The following PCDHGC5 variants were observed in gnomAD, a reference collection of about 807,000 sequenced individuals.
The protein encoded by PCDHGC5 is protocadherin gamma-C5.
A neutral mutation model predicts 59.0 loss-of-function variants in PCDHGC5; 25 were observed. The ratio of observed to expected loss-of-function variants is 0.42; its 90% CI spans 0.31 to 0.59. The LOEUF is 0.59. Ranked by LOEUF, PCDHGC5 falls within the 20% of genes least tolerant of loss-of-function variation. PCDHGC5 has a pLI of 0.13. For missense variants in PCDHGC5, 1,067 were observed against 1,206.4 expected (o/e 0.88, Z 1.71); for synonymous variants, 434 against 505.5 (o/e 0.86, Z 1.90).
Position 141,490,447 on chromosome 5 carries a change from C to A in PCDHGC5, c.1207C>A (p.His403Asn), listed in dbSNP as rs1273424450. 1.2e-6 allele frequency: 2 copies of A among 1,614,196 alleles called. No homozygotes were observed. The highest frequency in any genetic ancestry group is 1.7e-5 in the Admixed American group (1 of 60,030). The part of the protein sequence containing the change: ...LPFQIKPSEN[H>N]YSLLTSQPLD... Reference sequence around the variant, plus strand: ...ATTTCAGATTAAGCCTTCTGAGAACCACTACTCGCTGCTAACCAGCCAGCC... The same window carrying A: ...ATTTCAGATTAAGCCTTCTGAGAACAACTACTCGCTGCTAACCAGCCAGCC... The change falls in exon 1 of 4, where the codon CAC becomes AAC. Residue 403 changes from histidine (H) to asparagine (N), a missense_variant. Physicochemically the swap from His to Asn is moderately conservative, Grantham distance 68. Coordinates refer to ENST00000252087, the MANE Select transcript of PCDHGC5 (RefSeq NM_018929.3). This position sits in a 1 kb window ranked among gnomAD's most constrained non-coding sequence, Gnocchi z 5.4.
chr5:141,503,608 A>AAAAAAAG (rs1483073868), intron 2 of PCDHGC5, among the ~76,000 whole-genome samples: 1 of 151,994 alleles, frequency 6.6e-6, no homozygotes, highest in East Asian at 1.9e-4. Flanking sequence ...CAAAAAAAAA[A>AAAAAAAG]AAAAAAGAAA....
chr5:141,494,785 T>G, intron 1 of PCDHGC5, 22 bp from the exon 2 acceptor site: 1 of 1,614,016 alleles, frequency 6.2e-7, no homozygotes, highest in Non-Finnish European at 8.5e-7. Flanking sequence ...ACTCAGCCCC[T>G]TTCCCTCTGT....
intron 2 of PCDHGC5, among the ~76,000 whole-genome samples, chr5:141,504,078 CCAAA>C (rs1272625151): frequency 6.6e-6 from 1 of 152,078 alleles, no homozygotes; most frequent in South Asian, 2.1e-4. Context: ...CCAGATGGTG[CCAAA>C]CAGTTACCTA....
intron 2 of PCDHGC5, among the ~76,000 whole-genome samples, chr5:141,500,666 G>A (rs567881941): frequency 3.6e-4 from 55 of 152,250 alleles, no homozygotes; most frequent in African/African-American, 1.3e-3. Context: ...AGGCCATACT[G>A]TCCAACAGAA....
chr5:141,508,974 G>A (rs962653911), intron 3 of PCDHGC5, among the ~76,000 whole-genome samples: 2 of 152,128 alleles, frequency 1.3e-5, no homozygotes, highest in Non-Finnish European at 2.9e-5. Flanking sequence ...AAAGGGCTGG[G>A]GGTGGGGGCC....
Position 141,489,653 on chromosome 5 carries a change from G to C in PCDHGC5, c.413G>C (p.Arg138Pro). ...DNSPSFATPE[R>P]EMRISESAAS... ...TCTCCTAGCTTTGCCACCCCTGAGCGAGAGATGCGCATCTCAGAATCAGCA... is the reference window on the plus strand; with the variant it reads ...TCTCCTAGCTTTGCCACCCCTGAGCCAGAGATGCGCATCTCAGAATCAGCA... The change falls in exon 1 of 4, where the codon CGA becomes CCA. Residue 138 changes from arginine (R) to proline (P), a missense_variant. By Grantham distance (103) the Arg-to-Pro change is moderately radical (BLOSUM62 -2). Coordinates refer to ENST00000252087, the MANE Select transcript of PCDHGC5 (RefSeq NM_018929.3). The surrounding 1 kb of genome is among the most constrained non-coding windows in gnomAD (Gnocchi z 4.5). 3 of 1,614,164 alleles carry C rather than the reference G, an allele frequency of 1.9e-6. No individual in the cohort carries two copies. The highest frequency in any genetic ancestry group is 2.5e-6 in the Non-Finnish European group (3 of 1,180,018).
intron 2 of PCDHGC5, among the ~76,000 whole-genome samples, chr5:141,499,326 C>G (rs1465474737): frequency 6.6e-6 from 1 of 152,156 alleles, no homozygotes; most frequent in Non-Finnish European, 1.5e-5. Flanking sequence ...TATCCCTGCT[C>G]TCTCTCAGTT....
At chr5:141,510,674 GGCAT>G (rs1388331907) in intron 3 of PCDHGC5, among the ~76,000 whole-genome samples, 6 of 152,132 alleles carry the variant, frequency 3.9e-5, no homozygotes, top group Non-Finnish European at 8.8e-5. Flanking sequence ...AAACTGAAGT[GGCAT>G]AAGGAGGTTA....
In PCDHGC5 at chr5:141,511,007, G is replaced by C. The variant is rs780918754; in HGVS notation, c.2669G>C (p.Arg890Pro). Residue 890 changes from arginine to proline, a missense_variant, in exon 4 of 4, where the codon CGC (arginine) becomes CCC (proline). Physicochemically the swap from Arg to Pro is moderately radical, Grantham distance 103. Coordinates refer to ENST00000252087, the MANE Select transcript of PCDHGC5 (RefSeq NM_018929.3). Reference protein sequence around the residue: ...GGAGTMGLSARYGPQFTLQHV... With the variant: ...GGAGTMGLSAPYGPQFTLQHV... ...GCCGGCACCATGGGATTGAGCGCCC[G>C]CTACGGACCCCAGTTCACCCTGCAG... The C allele has an allele frequency of 1.9e-6, 3 of 1,614,042 alleles. No homozygotes were observed. The highest frequency in any genetic ancestry group is 2.7e-5 in the African/African-American group (2 of 74,910).
chr5:141,489,334 C>T lies in PCDHGC5; in HGVS notation c.94C>T (p.Arg32Cys), dbSNP rs768635851. The change falls in exon 1 of 4, where the codon CGT (arginine) becomes TGT (cysteine). Residue 32 changes from arginine to cysteine, a missense_variant. Physicochemically the swap from Arg to Cys is radical, Grantham distance 180. Transcript: ENST00000252087. This position sits in a 1 kb window ranked among gnomAD's most constrained non-coding sequence, Gnocchi z 4.5. ...CTGGGGCTGGGTGTCTGGGCAGCTTCGTTACTCAGTGGTGGAGGAGTCTGA... is the reference window on the plus strand; with the variant it reads ...CTGGGGCTGGGTGTCTGGGCAGCTTTGTTACTCAGTGGTGGAGGAGTCTGA... ...CCWGWVSGQL[R>C]YSVVEESEPG... is the part of the protein sequence containing the mutation. The T allele has an allele frequency of 3.7e-6, 6 of 1,606,732 alleles. No individual in the cohort carries two copies. The highest frequency in any genetic ancestry group is 1.1e-5 in the South Asian group (1 of 90,048).
chr5:141,491,702 T>A lies in PCDHGC5; in HGVS notation c.2460+2T>A. The A allele has an allele frequency of 6.2e-7, 1 of 1,611,514 alleles. No homozygotes were observed. Among genetic ancestry groups the A allele is most frequent in the Non-Finnish European group, 8.5e-7 (1 of 1,178,984 alleles). ...AATACGCTGCGGGAGCGGAGCCAGG[T>A]GAGGGGCTCGGCGCCGCCCCGGGCG... On this transcript the variant is annotated splice_donor_variant, in intron 1 of 3. Coordinates refer to ENST00000252087, the MANE Select transcript of PCDHGC5 (RefSeq NM_018929.3). LOFTEE classifies it high-confidence loss of function. The surrounding 1 kb of genome is among the most constrained non-coding windows in gnomAD (Gnocchi z 6.9).
At chr5:141,492,191 G>A (rs996614987) in intron 1 of PCDHGC5, among the ~76,000 whole-genome samples, 1 of 152,204 alleles carries the variant, frequency 6.6e-6, no homozygotes, top group African/African-American at 2.4e-5. Context: ...ACCTGTCTGC[G>A]GGACTTAGGT....
chr5:141,490,804 T>C lies in PCDHGC5; in HGVS notation c.1564T>C (p.Phe522Leu). Residue 522 changes from phenylalanine (F) to leucine (L), a missense_variant, in exon 1 of 4, where the codon TTT becomes CTT. Coordinates refer to ENST00000252087, the MANE Select transcript of PCDHGC5 (RefSeq NM_018929.3). This position sits in a 1 kb window ranked among gnomAD's most constrained non-coding sequence, Gnocchi z 5.4. The stretch of plus-strand genomic sequence containing the variant: ...TGGACGGATCTTTGCCCAGCGTACC[T>C]TTGACTATGAATTGCTGCAGATGCT... ...EDGRIFAQRT[F>L]DYELLQMLQI... 2 of 1,613,854 alleles carry C rather than the reference T, an allele frequency of 1.2e-6. No homozygotes were observed. Among genetic ancestry groups the C allele is most frequent in the Non-Finnish European group, 1.7e-6 (2 of 1,179,816 alleles).
rs746642302 is a variant in PCDHGC5, at chr5:141,491,107, A to G, written c.1867A>G (p.Thr623Ala). Reference protein sequence around the residue: ...STAPGLFLVSTHTGEVRTARA... With the variant: ...STAPGLFLVSAHTGEVRTARA... The stretch of plus-strand genomic sequence containing the variant: ...AGCCCCAGGACTGTTCCTCGTGTCT[A>G]CACACACTGGTGAGGTGCGCACAGC... Residue 623 changes from threonine (T) to alanine (A), a missense_variant, in exon 1 of 4, where the codon ACA becomes GCA. Coordinates refer to ENST00000252087, the MANE Select transcript of PCDHGC5 (RefSeq NM_018929.3). The surrounding 1 kb of genome is among the most constrained non-coding windows in gnomAD (Gnocchi z 6.9). 2.5e-6 allele frequency: 4 copies of G among 1,614,148 alleles called. No homozygotes were observed. Among genetic ancestry groups the G allele is most frequent in the Non-Finnish European group, 2.5e-6 (3 of 1,180,014 alleles).
In PCDHGC5 at chr5:141,490,242, T is replaced by G. The variant is rs2099697678; in HGVS notation, c.1002T>G (p.Cys334Trp). 6.2e-7 allele frequency: 1 copy of G among 1,614,194 alleles called. No individual in the cohort carries two copies. The highest frequency in any genetic ancestry group is 8.5e-7 in the Non-Finnish European group (1 of 1,180,028). ...DQGQPAMEGH[C>W]VIQVDVGDVN... ...GACAGCCTGCCATGGAGGGCCACTG[T>G]GTGATTCAAGTGGATGTGGGGGATG... The change falls in exon 1 of 4, where the codon TGT becomes TGG. Residue 334 changes from cysteine (C) to tryptophan (W), a missense_variant. Physicochemically the swap from Cys to Trp is radical, Grantham distance 215. Transcript: ENST00000252087. The surrounding 1 kb of genome is among the most constrained non-coding windows in gnomAD (Gnocchi z 5.4).
At chr5:141,500,370 G>C (rs766183384) in intron 2 of PCDHGC5, among the ~76,000 whole-genome samples, 1 of 151,644 alleles carries the variant, frequency 6.6e-6, no homozygotes, top group Non-Finnish European at 1.5e-5. Flanking sequence ...TACCACGCCC[G>C]GCTAATTATT....
rs1193095881 is a variant in PCDHGC5 at position 141,490,273 on chromosome 5, G to T, written c.1033G>T (p.Asp345Tyr). Residue 345 changes from aspartate to tyrosine, a missense_variant, in exon 1 of 4, where the codon GAC (aspartate) becomes TAC (tyrosine). Asp to Tyr is a radical substitution (Grantham distance 160). Coordinates refer to ENST00000252087, the MANE Select transcript of PCDHGC5 (RefSeq NM_018929.3). This position sits in a 1 kb window ranked among gnomAD's most constrained non-coding sequence, Gnocchi z 5.4. ...TCAAGTGGATGTGGGGGATGTCAAT[G>T]ACAATGCCCCAGAGGTGCTATTGGC... Reference protein sequence around the residue: ...VIQVDVGDVNDNAPEVLLASL... With the variant: ...VIQVDVGDVNYNAPEVLLASL... 6.2e-7 allele frequency: 1 copy of T among 1,614,108 alleles called. No homozygotes were observed. The highest frequency in any genetic ancestry group is 8.5e-7 in the Non-Finnish European group (1 of 1,180,052).
chr5:141,490,279 G>A lies in PCDHGC5; in HGVS notation c.1039G>A (p.Ala347Thr), dbSNP rs1344083401. The A allele has an allele frequency of 5.6e-6, 9 of 1,614,228 alleles. No individual in the cohort carries two copies. In the East Asian group the frequency reaches 1.8e-4, roughly 32 times the overall value. Residue 347 changes from alanine (A) to threonine (T), a missense_variant, in exon 1 of 4, where the codon GCC becomes ACC. By Grantham distance (58) the Ala-to-Thr change is moderately conservative (BLOSUM62 0). Coordinates refer to ENST00000252087, the MANE Select transcript of PCDHGC5 (RefSeq NM_018929.3). This position sits in a 1 kb window ranked among gnomAD's most constrained non-coding sequence, Gnocchi z 5.4. ...QVDVGDVNDN[A>T]PEVLLASLAN... is the part of the protein sequence containing the mutation. ...GGATGTGGGGGATGTCAATGACAAT[G>A]CCCCAGAGGTGCTATTGGCCTCTTT...
rs1334650353 is a variant in PCDHGC5, at chr5:141,493,099, A to T, written c.2460+1399A>T. Among the ~76,000 whole-genome samples, 1 of 152,192 alleles carries T rather than the reference A, an allele frequency of 6.6e-6. No homozygotes were observed. Among genetic ancestry groups the T allele is most frequent in the East Asian group, 1.9e-4 (1 of 5,198 alleles). On this transcript the variant is annotated intron_variant, in intron 1 of 3. Coordinates refer to ENST00000252087, the MANE Select transcript of PCDHGC5 (RefSeq NM_018929.3). This position sits in a 1 kb window ranked among gnomAD's most constrained non-coding sequence, Gnocchi z 4.3. ...CTCCAGGAGCTTTTATTCAAAATAT[A>T]TCAATGCCTAACTCTGCTCCTAGGA... is the stretch of plus-strand genomic sequence containing the variant.
Sources: allele counts gnomAD v4.1 joint callset (sites outside exome capture counted in the v4.1 genomes callset), GRCh38; gene constraint gnomAD v4.1.1; non-coding constraint Gnocchi (gnomAD v3.1); transcripts MANE v1.5; gene names NCBI Gene and HGNC (gene_info 2026-07-23, HGNC 2026-07-21).